DAAM2: variants seen among roughly 807,000 people sequenced by gnomAD.
DAAM2 encodes the protein disheveled-associated activator of morphogenesis 2.
Under a neutral mutation model 120.7 loss-of-function variants are expected in DAAM2, and 39 were observed. The observed-to-expected ratio is 0.32, with a 90% CI of 0.25 to 0.42. The LOEUF is 0.42. Ranked by LOEUF, DAAM2 falls within the 10% of genes least tolerant of loss-of-function variation. The pLI, the probability that DAAM2 is intolerant of heterozygous loss-of-function variation, is 1.00. For synonymous variants in DAAM2, 488 were observed against 524.9 expected, an observed-to-expected ratio of 0.93 and a Z score of 0.96; for missense variants, 1,283 against 1,401.7, an observed-to-expected ratio of 0.92 and a Z score of 1.35.
intron 1 of DAAM2, among the ~76,000 whole-genome samples, chr6:39,804,271 A>G (rs1761946621): frequency 6.6e-6 from 1 of 152,158 alleles, no homozygotes; most frequent in Non-Finnish European, 1.5e-5. Flanking sequence ...CTGTTAACAG[A>G]TTTGATACTC....
chr6:39,813,927 A>C (rs1928190), intron 1 of DAAM2, among the ~76,000 whole-genome samples: 151,592 of 152,266 alleles, frequency 1, 75,464 homozygotes, highest in Middle Eastern at 1. Flanking sequence ...GAGATAAGTC[A>C]AGTGAGGTGT....
Position 39,902,361 on chromosome 6 carries a change from C to G in DAAM2, c.*324C>G. 4.2e-6 allele frequency: 1 copy of G among 237,900 alleles called. No homozygotes were observed. 14.7% of individuals were successfully genotyped at this position (237,900 alleles called of 1,614,324 possible). A position where few individuals can be genotyped will look rare whatever the true frequency, so the allele number is the denominator to read the frequency against. ...CCTACCATGGGCACCCATGTGCTGG[C>G]ACAGAACAGTTCCAGATCTAGACTG... On this transcript the variant is annotated 3_prime_UTR_variant, in exon 25 of 25. Coordinates refer to ENST00000274867, the MANE Select transcript of DAAM2 (RefSeq NM_001201427.2).
chr6:39,796,723 A>C (rs534756709), intron 1 of DAAM2, among the ~76,000 whole-genome samples: 15 of 151,636 alleles, frequency 9.9e-5, no homozygotes, highest in African/African-American at 3.4e-4. Flanking sequence ...TTTGTGGTAC[A>C]TCCTATGGTT....
chr6:39,878,349 C>A lies in DAAM2; in HGVS notation c.1361-55C>A. 1.2e-6 allele frequency: 2 copies of A among 1,608,164 alleles called. No individual in the cohort carries two copies. The highest frequency in any genetic ancestry group is 2.2e-5 in the South Asian group (2 of 90,302). ...CTCCATGCCCTTCCAGGCAGGGAGT[C>A]ACATTACTCACATTCTCTCCTTCTG... On this transcript the variant is annotated intron_variant, in intron 12 of 24. Transcript: ENST00000274867. The surrounding 1 kb of genome is among the most constrained non-coding windows in gnomAD (Gnocchi z 5.0).
In DAAM2 at chr6:39,805,617, C is replaced by G. The variant is rs183902650; in HGVS notation, c.-57+13152C>G. Among the ~76,000 whole-genome samples, 406 of 151,142 alleles carry G rather than the reference C, an allele frequency of 2.7e-3. 5 individuals are homozygous for G. Among genetic ancestry groups the G allele is most frequent in the African/African-American group, 9.6e-3 (394 of 41,096 alleles). On this transcript the variant is annotated intron_variant, in intron 1 of 24. Transcript: ENST00000274867. ...TTGCCCAGGCTGGAGTGCAGTGACA[C>G]GATCTCGGGTCACTGCAACCTCTGC...
intron 7 of DAAM2, among the ~76,000 whole-genome samples, chr6:39,869,902 A>G (rs1219739801): frequency 6.6e-6 from 1 of 151,836 alleles, no homozygotes; most frequent in African/African-American, 2.4e-5. Flanking sequence ...TGCTCTGATT[A>G]GCTGGTAACC....
chr6:39,836,245 T>A (rs1027625438), intron 1 of DAAM2, among the ~76,000 whole-genome samples: 5 of 152,172 alleles, frequency 3.3e-5, no homozygotes, highest in Non-Finnish European at 4.4e-5. Context: ...TAAGACTTAG[T>A]TCATTCATAC....
intron 19 of DAAM2, among the ~76,000 whole-genome samples, chr6:39,892,019 A>G (rs1220041220): frequency 1.3e-5 from 2 of 152,186 alleles, no homozygotes; most frequent in Non-Finnish European, 2.9e-5. Context: ...AGAAAAGATA[A>G]TAATAGCCAC....
chr6:39,832,090 C>G (rs1762935578), intron 1 of DAAM2, among the ~76,000 whole-genome samples: 1 of 144,016 alleles, frequency 6.9e-6, no homozygotes. Context: ...ACTGGGGGAA[C>G]AGGTGTACTG....
intron 6 of DAAM2, 46 bp from the exon 7 acceptor site, chr6:39,868,777 G>A: frequency 7.0e-7 from 1 of 1,419,834 alleles, no homozygotes; most frequent in African/African-American, 1.4e-5. Context: ...CACACCTGTT[G>A]GGAACTCAGC....
intron 1 of DAAM2, among the ~76,000 whole-genome samples, chr6:39,854,835 T>C (rs1763939148): frequency 6.6e-6 from 1 of 152,304 alleles, no homozygotes. Flanking sequence ...CATAGTTACA[T>C]AGATTTAGAG....
chr6:39,871,385 C>T (rs560097468), intron 8 of DAAM2, 121 bp from the exon 9 acceptor site: 2 of 925,418 alleles, frequency 2.2e-6, no homozygotes, highest in Admixed American at 2.0e-5. Context: ...ATTTTGCCTT[C>T]ATTTTGCTTG....
intron 1 of DAAM2, 108 bp downstream of exon 1, chr6:39,792,573 G>C (rs1436676634): frequency 6.6e-6 from 1 of 152,070 alleles, no homozygotes; most frequent in African/African-American, 2.4e-5. Flanking sequence ...AGCATGCCCC[G>C]CGGGGCTTGG....
At chr6:39,803,037 C>T (rs376941961) in intron 1 of DAAM2, among the ~76,000 whole-genome samples, 2 of 146,446 alleles carry the variant, frequency 1.4e-5, no homozygotes, top group African/African-American at 5.1e-5. Flanking sequence ...CTCATTGTTG[C>T]GTAGTAGTCC....
At chr6:39,801,926 G>A (rs1164370400) in intron 1 of DAAM2, among the ~76,000 whole-genome samples, 1 of 152,214 alleles carries the variant, frequency 6.6e-6, no homozygotes, top group Non-Finnish European at 1.5e-5. Context: ...GGGAAGATAC[G>A]TCAATATTTT....
chr6:39,849,242 G>C (rs1343647024), intron 1 of DAAM2, among the ~76,000 whole-genome samples: 2 of 152,184 alleles, frequency 1.3e-5, no homozygotes, highest in African/African-American at 4.8e-5. Flanking sequence ...AAATGAATGT[G>C]CATGACTGTT....
At chr6:39,841,600 G>A (rs907424344) in intron 1 of DAAM2, among the ~76,000 whole-genome samples, 2 of 152,018 alleles carry the variant, frequency 1.3e-5, no homozygotes, top group African/African-American at 4.8e-5. Flanking sequence ...AGGGGTGACA[G>A]GATGGAAAAA....
At chr6:39,865,655 C>T (rs1318657372) in intron 5 of DAAM2, among the ~76,000 whole-genome samples, 1 of 152,176 alleles carries the variant, frequency 6.6e-6, no homozygotes, top group African/African-American at 2.4e-5. Flanking sequence ...GGGTCTGCCC[C>T]GTGGTGTGCT....
chr6:39,846,942 T>C lies in DAAM2; in HGVS notation c.-56-9305T>C, dbSNP rs539469180. Among the ~76,000 whole-genome samples, 7 of 152,276 alleles carry C rather than the reference T, an allele frequency of 4.6e-5. No homozygotes were observed. The East Asian group carries it at 1.4e-3, about 29-fold the overall frequency. On this transcript the variant is annotated intron_variant, in intron 1 of 24. Transcript: ENST00000274867. ...CCCTGGATCTACATTTTCAACCACA[T>C]TTGCCTTTCAGGGGCCAGCTCAGCT...
Sources: gnomAD v4.1 joint callset for allele counts (sites outside exome capture counted in the v4.1 genomes callset) on GRCh38, gnomAD v4.1.1 for gene constraint, Gnocchi (gnomAD v3.1) non-coding constraint, MANE v1.5 for transcripts, NCBI Gene and HGNC (gene_info 2026-07-23, HGNC 2026-07-21) for gene names.